Variants in TCF4 observed in about 807,000 individuals in gnomAD.
TCF4 encodes the protein SL3-3 enhancer factor 2.
In TCF4, 3 loss-of-function variants were observed where a neutral mutation model predicts 82.1. The ratio of observed to expected loss-of-function variants is 0.04; its 90% confidence interval spans 0.02 to 0.09. The LOEUF is 0.09. Among genes scored for constraint, TCF4 ranks in the 10% least tolerant of loss-of-function variants. TCF4 has a pLI of 1.00. For synonymous variants in TCF4, 276 were observed against 309.6 expected, an observed-to-expected ratio of 0.89 and a Z score of 1.14; for missense variants, 518 against 852.7, an observed-to-expected ratio of 0.61 and a Z score of 4.89.
chr18:55,509,910 G>C (rs2096806447), intron 3 of TCF4, among the ~76,000 whole-genome samples: 1 of 152,148 alleles, frequency 6.6e-6, no homozygotes, highest in Non-Finnish European at 1.5e-5. Context: ...TAGCTTTCAA[G>C]AGTTGAAATA....
intron 2 of TCF4, among the ~76,000 whole-genome samples, chr18:55,597,377 A>G (rs1336738064): frequency 6.6e-6 from 1 of 152,090 alleles, no homozygotes; most frequent in East Asian, 1.9e-4. Flanking sequence ...CAAACCCGAG[A>G]GCTGCTTTCC....
intron 8 of TCF4, among the ~76,000 whole-genome samples, chr18:55,292,768 A>C (rs1308883941): frequency 6.6e-6 from 1 of 152,098 alleles, no homozygotes; most frequent in Non-Finnish European, 1.5e-5. Context: ...ATACGTATAT[A>C]TGTATACATG....
chr18:55,444,539 C>G (rs2095493750), intron 5 of TCF4, among the ~76,000 whole-genome samples: 2 of 152,178 alleles, frequency 1.3e-5, no homozygotes, highest in South Asian at 4.1e-4. Context: ...GAAAGAGAGA[C>G]AATACACAAT....
chr18:55,400,060 T>A (rs1465849815), intron 6 of TCF4, among the ~76,000 whole-genome samples: 1 of 152,068 alleles, frequency 6.6e-6, no homozygotes, highest in African/African-American at 2.4e-5. Flanking sequence ...GATATCATCA[T>A]CTCATTAAAA....
intron 6 of TCF4, among the ~76,000 whole-genome samples, chr18:55,365,101 C>T (rs1388768825): frequency 3.5e-5 from 5 of 142,624 alleles, no homozygotes; most frequent in Non-Finnish European, 7.6e-5. Flanking sequence ...TGCAGTGAGC[C>T]GAGATCATGC....
chr18:55,398,311 C>T (rs2093616742), intron 6 of TCF4, among the ~76,000 whole-genome samples: 1 of 152,178 alleles, frequency 6.6e-6, no homozygotes, highest in South Asian at 2.1e-4. Context: ...CAAACTCAGG[C>T]CCTGTGATGT....
intron 2 of TCF4, among the ~76,000 whole-genome samples, chr18:55,593,676 C>T (rs2097688029): frequency 6.6e-6 from 1 of 152,136 alleles, no homozygotes; most frequent in Non-Finnish European, 1.5e-5. Context: ...CCGAGTCCCA[C>T]CTGTGTTAAA....
At chr18:55,363,751 A>G (rs2086113017) in intron 6 of TCF4, among the ~76,000 whole-genome samples, 1 of 152,148 alleles carries the variant, frequency 6.6e-6, no homozygotes, top group Non-Finnish European at 1.5e-5. Context: ...GTTTGCAGTG[A>G]ACCAAGATCT....
At chr18:55,452,395 A>T (rs2095642165) in intron 5 of TCF4, 2 of 152,336 alleles carry the variant, frequency 1.3e-5, no homozygotes, top group African/African-American at 4.8e-5. Flanking sequence ...TTTCATGGTG[A>T]CATGGCAGGT....
At chr18:55,412,336 A>G (rs1282459839) in intron 5 of TCF4, among the ~76,000 whole-genome samples, 1 of 151,064 alleles carries the variant, frequency 6.6e-6, no homozygotes, top group Non-Finnish European at 1.5e-5. Context: ...GCTCATCTCC[A>G]ATAATGAAGG....
rs539669683 is a variant in TCF4 at position 55,543,344 on chromosome 18, C to T, written c.145+41936G>A. Among the ~76,000 whole-genome samples, 21 of 152,144 alleles carry T rather than the reference C, an allele frequency of 1.4e-4. No individual in the cohort carries two copies. The East Asian group carries it at 4.1e-3, about 29-fold the overall frequency. Reference sequence around the variant, plus strand: ...TTAAATGAAATTAAATGAGATAATACACTGCCTTGGCTAATGCCTGGTACA... The same window carrying T: ...TTAAATGAAATTAAATGAGATAATATACTGCCTTGGCTAATGCCTGGTACA... On this transcript the variant is annotated intron_variant, in intron 3 of 19. Coordinates refer to ENST00000354452, the MANE Select transcript of TCF4 (RefSeq NM_001083962.2).
intron 3 of TCF4, among the ~76,000 whole-genome samples, chr18:55,568,922 A>C (rs2097433854): frequency 6.6e-6 from 1 of 152,216 alleles, no homozygotes; most frequent in Admixed American, 6.5e-5. Context: ...ACAAAATGCA[A>C]AGGTGGCTTA....
chr18:55,554,724 G>A (rs1470429356), intron 3 of TCF4, among the ~76,000 whole-genome samples: 1 of 152,122 alleles, frequency 6.6e-6, no homozygotes, highest in Non-Finnish European at 1.5e-5. Flanking sequence ...GCCATGCAGT[G>A]GCCCTGGCAT....
At chr18:55,629,527 T>C (rs1327977853) in intron 2 of TCF4, among the ~76,000 whole-genome samples, 2 of 152,280 alleles carry the variant, frequency 1.3e-5, no homozygotes, top group African/African-American at 2.4e-5. Flanking sequence ...GGTGCTAAAA[T>C]ACAACAAACT....
At chr18:55,332,999 C>T (rs190577317) in intron 8 of TCF4, among the ~76,000 whole-genome samples, 10 of 152,250 alleles carry the variant, frequency 6.6e-5, no homozygotes, top group African/African-American at 1.4e-4. Flanking sequence ...ATGAAACAAG[C>T]CTAATCGGTC....
chr18:55,617,755 C>T (rs544206587), intron 2 of TCF4, among the ~76,000 whole-genome samples: 14 of 150,422 alleles, frequency 9.3e-5, no homozygotes, highest in African/African-American at 2.4e-4. Context: ...GAAACACAAC[C>T]GGCTCTTTAA....
At chr18:55,421,332 T>C (rs1486085994) in intron 5 of TCF4, among the ~76,000 whole-genome samples, 1 of 152,250 alleles carries the variant, frequency 6.6e-6, no homozygotes, top group Admixed American at 6.5e-5. Context: ...CCAGTCATTC[T>C]TAATCACATA....
intron 8 of TCF4, among the ~76,000 whole-genome samples, chr18:55,299,732 G>A (rs1216592035): frequency 6.6e-6 from 1 of 152,076 alleles, no homozygotes; most frequent in Non-Finnish European, 1.5e-5. Context: ...AACATTCAAA[G>A]TGCCTATAAT....
At chr18:55,384,230 A>G (rs956026201) in intron 6 of TCF4, 2 of 152,228 alleles carry the variant, frequency 1.3e-5, no homozygotes, top group African/African-American at 2.4e-5. Context: ...TCAAACTGAA[A>G]AGGAGAAAAG....
Sources: allele counts gnomAD v4.1 joint callset (sites outside exome capture counted in the v4.1 genomes callset), GRCh38; gene constraint gnomAD v4.1.1; transcripts MANE v1.5; gene names NCBI Gene and HGNC (gene_info 2026-07-23, HGNC 2026-07-21).